The following CRTC1 variants were observed in gnomAD, a reference collection of about 807,000 sequenced individuals.
CRTC1 encodes the protein CREB-regulated transcription coactivator 1.
In CRTC1, 18 loss-of-function variants were observed where a neutral mutation model predicts 66.1. The observed-to-expected ratio is 0.27, with a 90% CI of 0.19 to 0.40. The LOEUF (loss-of-function observed/expected upper bound fraction) is 0.40. Among genes scored for constraint, CRTC1 ranks in the 10% least tolerant of loss-of-function variants. The pLI, the probability that CRTC1 is intolerant of heterozygous loss-of-function variation, is 1.00. For synonymous variants in CRTC1, 416 were observed against 398.8 expected (o/e 1.04, Z -0.51); for missense variants, 669 against 887.9 (o/e 0.75, Z 3.13).
At chr19:18,776,828 C>T (rs150994831) in intron 13 of CRTC1, among the ~76,000 whole-genome samples, 1 of 152,278 alleles carries the variant, frequency 6.6e-6, no homozygotes, top group Non-Finnish European at 1.5e-5. Flanking sequence ...TCGTGCCGAG[C>T]AGCCCTCATG....
rs1219314368 is a variant in CRTC1 at position 18,780,419 on chromosome 19, C to T, written c.*3037C>T. On this transcript the variant is annotated 3_prime_UTR_variant, in exon 14 of 14. Transcript: ENST00000321949. Reference sequence around the variant, plus strand: ...GCCCAAGTTCAGCCTCTCTCTGTGTCCTCCAGAGAAGAGGGTTCTTTGCCC... The same window carrying T: ...GCCCAAGTTCAGCCTCTCTCTGTGTTCTCCAGAGAAGAGGGTTCTTTGCCC... 3.0e-5 allele frequency: 7 copies of T among 232,146 alleles called. No individual in the cohort carries two copies. Among genetic ancestry groups the T allele is most frequent in the Non-Finnish European group, 6.0e-5 (7 of 117,410 alleles). 14.4% of individuals were successfully genotyped at this position (232,146 alleles called of 1,614,324 possible).
chr19:18,775,865 T>C lies in CRTC1; in HGVS notation c.1693+44T>C, dbSNP rs540080796. On this transcript the variant is annotated intron_variant, in intron 13 of 13. Coordinates refer to ENST00000321949, the MANE Select transcript of CRTC1 (RefSeq NM_015321.3). ...CGCGTGTGCGGCGCCCCAAGGGGCC[T>C]CAGCCCGTGCGGAGACAGCCAGAGA... The C allele has an allele frequency of 8.0e-4, 1,220 of 1,516,990 alleles. 16 individuals carry two copies. In the South Asian group the frequency reaches 0.015, roughly 19 times the overall value. The allele number at this position is 1,516,990 out of a possible 1,614,324, so 94.0% of individuals were successfully genotyped here. A position where few individuals can be genotyped will look rare whatever the true frequency, so the allele number is the denominator to read the frequency against.
intron 6 of CRTC1, among the ~76,000 whole-genome samples, chr19:18,758,995 AC>A (rs1568530021): frequency 1.3e-5 from 2 of 152,186 alleles, no homozygotes; most frequent in African/African-American, 2.4e-5. Context: ...CTGGCTGCTG[AC>A]TGCTGTGGTA....
intron 1 of CRTC1, among the ~76,000 whole-genome samples, chr19:18,703,442 C>A (rs571938950): frequency 6.6e-6 from 1 of 152,092 alleles, no homozygotes; most frequent in South Asian, 2.1e-4. Flanking sequence ...TATTTACTTA[C>A]GTATTTATTT....
intron 1 of CRTC1, among the ~76,000 whole-genome samples, chr19:18,739,449 C>T (rs934447673): frequency 3.9e-5 from 6 of 152,268 alleles, no homozygotes; most frequent in Admixed American, 3.9e-4. Context: ...CCAGACGGGC[C>T]TGTCACCTGG....
chr19:18,742,064 C>T (rs1298309680), intron 1 of CRTC1, among the ~76,000 whole-genome samples: 1 of 152,160 alleles, frequency 6.6e-6, no homozygotes, highest in African/African-American at 2.4e-5. Context: ...CTGCCTCCCC[C>T]AGTTGCATGG....
rs1314705022 is a variant in CRTC1, at chr19:18,760,175, C to A, written c.833C>A (p.Thr278Asn). ...CCTGCACTGAGCAGCTCCAGCAGCA[C>A]CGGCAACCTCGCGGCCAACCTGACG... Reference protein sequence around the residue: ...TFPALSSSSSTGNLAANLTHL... With the variant: ...TFPALSSSSSNGNLAANLTHL... Residue 278 changes from threonine (T) to asparagine (N), a missense_variant, in exon 8 of 14, where the codon ACC (threonine) becomes AAC (asparagine). By Grantham distance (65) the Thr-to-Asn change is moderately conservative. Transcript: ENST00000321949. The surrounding 1 kb of genome is among the most constrained non-coding windows in gnomAD (Gnocchi z 6.2). 6 of 1,613,526 alleles carry A rather than the reference C, an allele frequency of 3.7e-6. No individual in the cohort carries two copies. The highest frequency in any genetic ancestry group is 2.2e-5 in the East Asian group (1 of 44,876).
intron 1 of CRTC1, among the ~76,000 whole-genome samples, chr19:18,726,929 GAAAAAAAA>G (rs57708407): frequency 7.1e-5 from 8 of 111,910 alleles, no homozygotes; most frequent in Admixed American, 2.0e-4. Context: ...CCGTCTTGGG[GAAAAAAAA>G]AAAAAAAAAA....
chr19:18,748,176 T>C (rs554263845), intron 4 of CRTC1, among the ~76,000 whole-genome samples: 1 of 152,278 alleles, frequency 6.6e-6, no homozygotes, highest in Non-Finnish European at 1.5e-5. Context: ...CACAGAACTA[T>C]ACACTCAAAA....
At chr19:18,754,050 G>A (rs527836498) in intron 6 of CRTC1, among the ~76,000 whole-genome samples, 46 of 149,726 alleles carry the variant, frequency 3.1e-4, no homozygotes, top group African/African-American at 1.1e-3. Flanking sequence ...GCACTGAGCC[G>A]AGATTGTGCC....
chr19:18,749,156 A>C (rs2054309439), intron 4 of CRTC1, among the ~76,000 whole-genome samples: 1 of 152,150 alleles, frequency 6.6e-6, no homozygotes. Flanking sequence ...CTGGAGGTAG[A>C]GGGAAGAGCC....
intron 1 of CRTC1, among the ~76,000 whole-genome samples, chr19:18,696,610 T>A (rs1000844035): frequency 6.6e-6 from 1 of 152,128 alleles, no homozygotes; most frequent in Admixed American, 6.5e-5. Flanking sequence ...AGGACCTTGT[T>A]GTACGCTGAG....
intron 5 of CRTC1, among the ~76,000 whole-genome samples, chr19:18,752,812 A>G (rs1017900828): frequency 2.0e-5 from 3 of 151,414 alleles, no homozygotes; most frequent in Non-Finnish European, 4.4e-5. Context: ...CAATTTTTGT[A>G]TTTTTAGTAG....
chr19:18,731,457 C>G (rs1004429132), intron 1 of CRTC1, among the ~76,000 whole-genome samples: 1 of 152,202 alleles, frequency 6.6e-6, no homozygotes, highest in African/African-American at 2.4e-5. Context: ...ATGCAGGGAC[C>G]TCCTTAATTC....
At chr19:18,774,376 T>G (rs988080370) in intron 11 of CRTC1, among the ~76,000 whole-genome samples, 1 of 152,244 alleles carries the variant, frequency 6.6e-6, no homozygotes, top group Non-Finnish European at 1.5e-5. Flanking sequence ...CTGGCAGCCC[T>G]GGGCAGGGGC....
At chr19:18,733,621 C>G (rs2053936743) in intron 1 of CRTC1, among the ~76,000 whole-genome samples, 1 of 152,148 alleles carries the variant, frequency 6.6e-6, no homozygotes, top group Non-Finnish European at 1.5e-5. Flanking sequence ...TTCCCAAGCT[C>G]GGCAGATGTT....
chr19:18,746,860 C>T (rs1349329809), intron 3 of CRTC1, among the ~76,000 whole-genome samples, 193 bp from the exon 4 acceptor site: 1 of 152,182 alleles, frequency 6.6e-6, no homozygotes, highest in African/African-American at 2.4e-5. Flanking sequence ...CCCTGGAGAG[C>T]CCCTGGAACG....
rs372678544 is a variant in CRTC1, at chr19:18,768,499, C to T, written c.1026C>T (p.Asp342=). The T allele has an allele frequency of 1.4e-5, 23 of 1,609,536 alleles. No homozygotes were observed. Among genetic ancestry groups the T allele is most frequent in the African/African-American group, 6.7e-5 (5 of 74,674 alleles). ...CTCTCCTGCAGGCTGTAGCCATGGA[C>T]GCCCTGTCTCTGGAGCAGCAGCTGC... ...LSPITQAVAM[D]ALSLEQQLPY... is the part of the protein sequence containing the mutation. Residue 342 remains aspartate, a synonymous_variant, in exon 10 of 14, where the codon GAC becomes GAT. Coordinates refer to ENST00000321949, the MANE Select transcript of CRTC1 (RefSeq NM_015321.3). The surrounding 1 kb of genome is among the most constrained non-coding windows in gnomAD (Gnocchi z 5.6).
intron 1 of CRTC1, among the ~76,000 whole-genome samples, chr19:18,706,038 T>C (rs2053255880): frequency 6.6e-6 from 1 of 151,202 alleles, no homozygotes; most frequent in South Asian, 2.1e-4. Context: ...GTTTTTCTTT[T>C]TGCACTTGGA....
Sources: gnomAD v4.1 joint callset for allele counts (sites outside exome capture counted in the v4.1 genomes callset) on GRCh38, gnomAD v4.1.1 for gene constraint, Gnocchi (gnomAD v3.1) non-coding constraint, MANE v1.5 for transcripts, NCBI Gene and HGNC (gene_info 2026-07-23, HGNC 2026-07-21) for gene names.